The following CFAP47 variants were observed in gnomAD, a reference collection of about 807,000 sequenced individuals.
The protein encoded by CFAP47 is cilia and flagella associated protein 47, also known as cilia- and flagella-associated protein 47.
Under a neutral mutation model 148.1 loss-of-function variants are expected in CFAP47, and 29 were observed. The observed-to-expected ratio is 0.20, with a 90% CI of 0.15 to 0.27. The LOEUF (loss-of-function observed/expected upper bound fraction) is 0.27, where lower values mean the gene tolerates loss of function less well. Ranked by LOEUF, CFAP47 falls within the 10% of genes least tolerant of loss-of-function variation. The pLI, the probability that CFAP47 is intolerant of heterozygous loss-of-function variation, is 1.00. For synonymous variants in CFAP47, 664 were observed against 577.3 expected (o/e 1.15, Z -2.15); for missense variants, 1,872 against 1,697.5 (o/e 1.10, Z -1.81).
At chrX:35,959,846 T>A (rs1340769347) in intron 8 of CFAP47, among the ~76,000 whole-genome samples, 2 of 86,394 alleles carry the variant, frequency 2.3e-5, no homozygotes. Context: ...GCCACTGCAC[T>A]CCAGCCTGGG....
intron 21 of CFAP47, among the ~76,000 whole-genome samples, chrX:36,007,411 A>C (rs1936993853): frequency 8.9e-6 from 1 of 112,309 alleles, no homozygotes; most frequent in Admixed American, 9.4e-5. Flanking sequence ...ACTTCATTAG[A>C]ATATCCTTTT....
At chrX:35,968,504 G>A (rs1384718235) in intron 10 of CFAP47, among the ~76,000 whole-genome samples, 2 of 111,507 alleles carry the variant, frequency 1.8e-5, no homozygotes, top group Non-Finnish European at 3.8e-5. Context: ...ATTTGAGACC[G>A]GAATAAGTTT....
chrX:36,313,772 TTC>T (rs782318138), intron 56 of CFAP47, among the ~76,000 whole-genome samples: 1 of 110,404 alleles, frequency 9.1e-6, no homozygotes, highest in Non-Finnish European at 1.9e-5. Context: ...TTCCTCATTT[TTC>T]TCTCTCTCTC....
At chrX:36,199,870 TAATC>T (rs1555987793) in intron 42 of CFAP47, among the ~76,000 whole-genome samples, 1 of 111,607 alleles carries the variant, frequency 9.0e-6, no homozygotes. Context: ...GGGCTTTTGT[TAATC>T]AAATAAAAGA....
chrX:36,187,777 G>A (rs1939823312), intron 40 of CFAP47, among the ~76,000 whole-genome samples: 1 of 111,775 alleles, frequency 8.9e-6, no homozygotes, highest in Non-Finnish European at 1.9e-5. Context: ...CATTACAAAT[G>A]TGGTGTAAAG....
intron 49 of CFAP47, among the ~76,000 whole-genome samples, chrX:36,270,080 TC>T (rs1940940545): frequency 8.9e-6 from 1 of 112,057 alleles, no homozygotes. Context: ...TTTGTTTTTT[TC>T]CCCTATGTTT....
chrX:35,995,121 AGGAT>A (rs1337429787), intron 18 of CFAP47, among the ~76,000 whole-genome samples: 4 of 111,376 alleles, frequency 3.6e-5, no homozygotes, highest in Admixed American at 9.6e-5. Context: ...CCAGATTAAA[AGGAT>A]GGAAGCGGGG....
chrX:36,231,679 C>T (rs1247386579), intron 46 of CFAP47, among the ~76,000 whole-genome samples: 1 of 111,134 alleles, frequency 9.0e-6, no homozygotes, highest in South Asian at 3.8e-4. Context: ...GAGGGCATCC[C>T]TGTCTTGTGC....
At chrX:36,079,956 A>G (rs1162144382) in intron 29 of CFAP47, among the ~76,000 whole-genome samples, 5 of 111,839 alleles carry the variant, frequency 4.5e-5, no homozygotes, top group African/African-American at 1.6e-4. Context: ...AAGAGCTTCT[A>G]CATGGCAAAA....
intron 54 of CFAP47, among the ~76,000 whole-genome samples, chrX:36,304,242 C>T (rs1402386586): frequency 9.1e-5 from 10 of 109,616 alleles, no homozygotes; most frequent in Admixed American, 2.0e-4. Context: ...ATTAGCCAGA[C>T]GTGGTGTCAC....
intron 45 of CFAP47, 36 bp from the exon 46 acceptor site, chrX:36,228,592 G>A (rs1279558349): frequency 2.0e-6 from 1 of 511,152 alleles, no homozygotes; most frequent in South Asian, 2.7e-5. Context: ...GGTTTTATAT[G>A]ATTTTAAATG....
intron 57 of CFAP47, among the ~76,000 whole-genome samples, chrX:36,324,171 G>A (rs1013840210): frequency 3.6e-5 from 4 of 111,565 alleles, no homozygotes; most frequent in Middle Eastern, 4.3e-3. Context: ...TGATTTCAAA[G>A]GACATCCTTC....
chrX:36,172,981 G>A (rs1454510133), intron 39 of CFAP47, among the ~76,000 whole-genome samples: 2 of 110,957 alleles, frequency 1.8e-5, no homozygotes, highest in Non-Finnish European at 3.8e-5. Flanking sequence ...TTCAGCTCCT[G>A]TTATTGGTCT....
chrX:35,929,220 G>A (rs995245138), intron 2 of CFAP47, among the ~76,000 whole-genome samples: 1 of 111,059 alleles, frequency 9.0e-6, no homozygotes, highest in Non-Finnish European at 1.9e-5. Flanking sequence ...GAATAATTGA[G>A]CTTAGCTTAT....
chrX:36,041,736 A>G (rs1937406596), intron 25 of CFAP47, among the ~76,000 whole-genome samples: 1 of 110,319 alleles, frequency 9.1e-6, no homozygotes, highest in Non-Finnish European at 1.9e-5. Flanking sequence ...ATTTTGGCTA[A>G]CATGGTGAAA....
At chrX:36,163,299 G>T (rs1462089463) in intron 39 of CFAP47, among the ~76,000 whole-genome samples, 1 of 111,239 alleles carries the variant, frequency 9.0e-6, no homozygotes, top group African/African-American at 3.3e-5. Context: ...TTCTTGATCA[G>T]TCTAGGTAAT....
chrX:35,938,183 C>G (rs1294833991), intron 2 of CFAP47, among the ~76,000 whole-genome samples: 4 of 110,897 alleles, frequency 3.6e-5, no homozygotes, highest in Non-Finnish European at 7.6e-5. Context: ...AAAAAATTAC[C>G]TCTTTTCTTT....
At chrX:36,263,104 G>A (rs1189064214) in intron 49 of CFAP47, among the ~76,000 whole-genome samples, 1 of 111,590 alleles carries the variant, frequency 9.0e-6, no homozygotes, top group Non-Finnish European at 1.9e-5. Context: ...ATATATTCTG[G>A]TCATTAATCC....
rs186268050 is a variant in CFAP47, at chrX:36,031,589, C to T, written c.3651+242C>T. On this transcript the variant is annotated intron_variant, in intron 23 of 63. Transcript: ENST00000378653. ...ATACAGCTATTTATAAATACATATA[C>T]GCATATAATTAATAAGAATATTAAA... Among the ~76,000 whole-genome samples, 435 of 108,820 alleles carry T rather than the reference C, an allele frequency of 4.0e-3. 3 individuals carry two copies. The highest frequency in any genetic ancestry group is 8.6e-3 in the African/African-American group (260 of 30,236). The allele number at this position is 108,820 out of a possible 115,157, so 94.5% of individuals were successfully genotyped here.
Sources: allele counts gnomAD v4.1 joint callset (sites outside exome capture counted in the v4.1 genomes callset), GRCh38; gene constraint gnomAD v4.1.1; transcripts MANE v1.5; gene names NCBI Gene and HGNC (gene_info 2026-07-23, HGNC 2026-07-21).